The following TINAG variants were observed in gnomAD, a reference collection of about 807,000 sequenced individuals.
TINAG encodes the protein tubulointerstitial nephritis antigen.
In TINAG, 83 loss-of-function variants were observed where a neutral mutation model predicts 72.7. That is an observed-to-expected ratio of 1.14 (90% CI 0.96 to 1.37). The LOEUF (loss-of-function observed/expected upper bound fraction) is 1.37. TINAG is among the 40% of genes most tolerant of loss of function. The pLI is 0.00. For synonymous variants in TINAG, 234 were observed against 189.9 expected (o/e 1.23, Z -1.91); for missense variants, 685 against 576.6 (o/e 1.19, Z -1.93).
chr6:54,353,453 A>C (rs748074830), intron 8 of TINAG, among the ~76,000 whole-genome samples: 2 of 151,906 alleles, frequency 1.3e-5, no homozygotes, highest in African/African-American at 2.4e-5. Context: ...CTTTGTGTAC[A>C]TTCTTCTAAA....
At chr6:54,315,399 T>G (rs1784348949) in intron 1 of TINAG, among the ~76,000 whole-genome samples, 1 of 152,106 alleles carries the variant, frequency 6.6e-6, no homozygotes, top group African/African-American at 2.4e-5. Flanking sequence ...CTGGGTGTGG[T>G]GGCTCACACC....
Position 54,343,632 on chromosome 6 carries a change from G to A in TINAG, c.748+283G>A, listed in dbSNP as rs112230485. ...AATGTGTTTGTCTATTCAGAGTTAA[G>A]GCCAAATAATAAAAAAGGATTAAGG... On this transcript the variant is annotated intron_variant, in intron 5 of 10. Transcript: ENST00000259782. 8.7e-3 allele frequency among the ~76,000 whole-genome samples: 1,320 copies of A among 150,994 alleles called. 22 individuals are homozygous for A. The highest frequency in any genetic ancestry group is 0.029 in the African/African-American group (1,206 of 41,256).
chr6:54,353,568 T>C (rs1397633687), intron 8 of TINAG, among the ~76,000 whole-genome samples: 1 of 151,872 alleles, frequency 6.6e-6, no homozygotes, highest in Non-Finnish European at 1.5e-5. Flanking sequence ...GGAATGTGTT[T>C]TAGAGTAGAT....
chr6:54,334,836 C>G (rs1784822707), intron 4 of TINAG, among the ~76,000 whole-genome samples: 2 of 152,156 alleles, frequency 1.3e-5, no homozygotes, highest in South Asian at 4.1e-4. Context: ...TCAACCAAAG[C>G]TAACTTTCTG....
chr6:54,337,127 AT>A (rs3842089), intron 4 of TINAG, among the ~76,000 whole-genome samples: 7,450 of 151,134 alleles, frequency 0.049, 261 homozygotes, highest in Middle Eastern at 0.12. Context: ...TAATATGAGG[AT>A]TTTTTTTTCC....
intron 9 of TINAG, among the ~76,000 whole-genome samples, chr6:54,358,584 C>G (rs1763131522): frequency 6.6e-6 from 1 of 150,802 alleles, no homozygotes; most frequent in South Asian, 2.1e-4. Context: ...ATAGCTGAGG[C>G]ACTCTTCAGC....
intron 9 of TINAG, among the ~76,000 whole-genome samples, chr6:54,374,540 C>T (rs923551375): frequency 6.6e-6 from 1 of 152,056 alleles, no homozygotes; most frequent in Non-Finnish European, 1.5e-5. Context: ...TTCTTAAAAA[C>T]GAAGTTCCTA....
At chr6:54,372,545 C>G (rs1763651850) in intron 9 of TINAG, among the ~76,000 whole-genome samples, 2 of 151,942 alleles carry the variant, frequency 1.3e-5, no homozygotes, top group South Asian at 4.2e-4. Context: ...GACATCAGGG[C>G]TAAGCTATAA....
intron 9 of TINAG, among the ~76,000 whole-genome samples, chr6:54,379,765 T>A (rs1582761075): frequency 6.6e-6 from 1 of 152,096 alleles, no homozygotes; most frequent in South Asian, 2.1e-4. Context: ...CCTTTTTTAA[T>A]CTAATTTTTA....
intron 9 of TINAG, among the ~76,000 whole-genome samples, chr6:54,361,340 C>T (rs188479217): frequency 6.6e-6 from 1 of 151,770 alleles, no homozygotes; most frequent in East Asian, 2.0e-4. Context: ...GTTTAATTGA[C>T]TCATAGTTCC....
chr6:54,319,412 C>T (rs3777651), intron 1 of TINAG, among the ~76,000 whole-genome samples: 92,770 of 151,878 alleles, frequency 0.61, 28,571 homozygotes, highest in Middle Eastern at 0.73. Flanking sequence ...CTCGGGTTTG[C>T]TGCATTAGGA....
chr6:54,314,615 T>C (rs1784331225), intron 1 of TINAG, among the ~76,000 whole-genome samples: 1 of 152,154 alleles, frequency 6.6e-6, no homozygotes. Context: ...CGGAATCACC[T>C]AAAAACACAG....
rs921073228 is a variant in TINAG, at chr6:54,355,793, TC to T, written c.1250+1158del. On this transcript the variant is annotated intron_variant, in intron 9 of 10. Coordinates refer to ENST00000259782, the MANE Select transcript of TINAG (RefSeq NM_014464.4). Reference sequence around the variant, plus strand: ...TCCTAGATAATAACCTCTGTTGAAATCTTGGAGTATTTTTAATGAATCTCCT... The same window carrying T: ...TCCTAGATAATAACCTCTGTTGAAATTTGGAGTATTTTTAATGAATCTCCT... Among the ~76,000 whole-genome samples, 64 of 151,076 alleles carry T rather than the reference TC, an allele frequency of 4.2e-4. 1 individual carries two copies. The highest frequency in any genetic ancestry group is 1.5e-3 in the African/African-American group (63 of 41,196).
chr6:54,322,662 A>C (rs1784519995), intron 3 of TINAG, among the ~76,000 whole-genome samples: 1 of 152,184 alleles, frequency 6.6e-6, no homozygotes, highest in African/African-American at 2.4e-5. Context: ...TTTTCTTGGA[A>C]CATACAAAAC....
intron 1 of TINAG, among the ~76,000 whole-genome samples, chr6:54,319,149 C>T (rs932219579): frequency 1.1e-4 from 16 of 152,158 alleles, no homozygotes; most frequent in Admixed American, 5.9e-4. Context: ...ACTCAAGATT[C>T]ATGAGGTATG....
intron 4 of TINAG, among the ~76,000 whole-genome samples, chr6:54,338,722 A>G (rs1303459090): frequency 1.1e-5 from 1 of 90,356 alleles, no homozygotes; most frequent in Non-Finnish European, 2.4e-5. Context: ...TCTGTCTCAA[A>G]AAAAAAAAAA....
At chr6:54,372,032 C>T (rs1365749628) in intron 9 of TINAG, among the ~76,000 whole-genome samples, 6 of 100,938 alleles carry the variant, frequency 5.9e-5, no homozygotes, top group Non-Finnish European at 9.9e-5. Context: ...ACCCTTGTTG[C>T]CCAGACTGGA....
chr6:54,387,596 T>A (rs1443067368), intron 10 of TINAG, among the ~76,000 whole-genome samples: 1 of 152,150 alleles, frequency 6.6e-6, no homozygotes, highest in East Asian at 1.9e-4. Context: ...GTGCTATAAG[T>A]GGTTAATAGC....
intron 4 of TINAG, among the ~76,000 whole-genome samples, chr6:54,341,176 A>G (rs1423298674): frequency 6.6e-6 from 1 of 152,208 alleles, no homozygotes; most frequent in Non-Finnish European, 1.5e-5. Flanking sequence ...GAGGCGACTT[A>G]GTATTATAAA....
Sources: gnomAD v4.1 joint callset for allele counts (sites outside exome capture counted in the v4.1 genomes callset) on GRCh38, gnomAD v4.1.1 for gene constraint, MANE v1.5 for transcripts, NCBI Gene and HGNC (gene_info 2026-07-23, HGNC 2026-07-21) for gene names.